UTP18: variants seen among roughly 807,000 people sequenced by gnomAD.
The protein encoded by UTP18 is U3 small nucleolar RNA-associated protein 18 homolog.
Under a neutral mutation model 61.1 loss-of-function variants are expected in UTP18, and 36 were observed. That is an observed-to-expected ratio of 0.59 (90% CI 0.45 to 0.78). UTP18 has a LOEUF of 0.78. Ranked by LOEUF, UTP18 falls within the 30% of genes least tolerant of loss-of-function variation. The pLI is 0.00. For synonymous variants in UTP18, 282 were observed against 251.1 expected, an observed-to-expected ratio of 1.12 and a Z score of -1.16; for missense variants, 753 against 693.9, an observed-to-expected ratio of 1.09 and a Z score of -0.96.
intron 11 of UTP18, among the ~76,000 whole-genome samples, chr17:51,291,074 C>A (rs1481695997): frequency 6.6e-6 from 1 of 152,154 alleles, no homozygotes; most frequent in Admixed American, 6.6e-5. Flanking sequence ...ATTTTGATAT[C>A]TGTACACTTA....
At chr17:51,282,943 A>C (rs1440677169) in intron 9 of UTP18, among the ~76,000 whole-genome samples, 12 of 141,648 alleles carry the variant, frequency 8.5e-5, no homozygotes, top group Non-Finnish European at 6.0e-5. Flanking sequence ...ATCTCGGCTC[A>C]CTGTAACCTC....
chr17:51,289,400 G>T (rs1205847523), intron 11 of UTP18, among the ~76,000 whole-genome samples: 2 of 150,796 alleles, frequency 1.3e-5, no homozygotes, highest in Non-Finnish European at 3.0e-5. Flanking sequence ...GTAGAGACGG[G>T]GTTTCACCAT....
chr17:51,262,405 A>G (rs992459479), intron 1 of UTP18, among the ~76,000 whole-genome samples: 28 of 152,272 alleles, frequency 1.8e-4, no homozygotes, highest in African/African-American at 6.7e-4. Flanking sequence ...TTGATAGTAT[A>G]AACTTTATGG....
At chr17:51,292,511 T>C (rs527873174) in intron 11 of UTP18, among the ~76,000 whole-genome samples, 111 of 152,336 alleles carry the variant, frequency 7.3e-4, no homozygotes, top group African/African-American at 2.6e-3. Flanking sequence ...GTTTAATAGG[T>C]GTATGTATCA....
chr17:51,273,389 T>C lies in UTP18; in HGVS notation c.650T>C (p.Leu217Ser). 6 of 1,610,712 alleles carry C rather than the reference T, an allele frequency of 3.7e-6. No homozygotes were observed. Among genetic ancestry groups the C allele is most frequent in the Non-Finnish European group, 5.1e-6 (6 of 1,178,478 alleles). Reference sequence around the variant, plus strand: ...GAAAGTGAAGAGGATGAAGATGATTTGTTGCAAAGGACTGGGAATTTCATA... The same window carrying C: ...GAAAGTGAAGAGGATGAAGATGATTCGTTGCAAAGGACTGGGAATTTCATA... Reference protein sequence around the residue: ...DDESEEDEDDLLQRTGNFIST... With the variant: ...DDESEEDEDDSLQRTGNFIST... The change falls in exon 5 of 14, where the codon TTG becomes TCG. Residue 217 changes from leucine (L) to serine (S), a missense_variant. By Grantham distance (145) the Leu-to-Ser change is moderately radical. Coordinates refer to ENST00000225298, the MANE Select transcript of UTP18 (RefSeq NM_016001.3).
intron 3 of UTP18, among the ~76,000 whole-genome samples, chr17:51,267,762 G>T (rs1271627273): frequency 6.6e-6 from 1 of 152,004 alleles, no homozygotes; most frequent in Non-Finnish European, 1.5e-5. Flanking sequence ...TCTTATAAAT[G>T]CCTTTAGGGG....
At chr17:51,276,569 T>G (rs1296661520) in intron 6 of UTP18, among the ~76,000 whole-genome samples, 1 of 152,248 alleles carries the variant, frequency 6.6e-6, no homozygotes, top group East Asian at 1.9e-4. Flanking sequence ...AACACTGATG[T>G]ACATTGATGG....
In UTP18 at chr17:51,275,938, G is replaced by T; in HGVS notation, c.784G>T (p.Gly262Cys). 6.2e-7 allele frequency: 1 copy of T among 1,612,788 alleles called. No homozygotes were observed. The highest frequency in any genetic ancestry group is 1.1e-5 in the South Asian group (1 of 90,900). Residue 262 changes from glycine to cysteine, a missense_variant, in exon 6 of 14, where the codon GGT becomes TGT. By Grantham distance (159) the Gly-to-Cys change is radical (BLOSUM62 -3). Coordinates refer to ENST00000225298, the MANE Select transcript of UTP18 (RefSeq NM_016001.3). ...ARISSVQFHP[G>C]AQIVMVAGLD... ...GATCTCATCTGTGCAGTTCCATCCCGGTGCACAGATTGTGATGGTTGCTGG... is the reference window on the plus strand; with the variant it reads ...GATCTCATCTGTGCAGTTCCATCCCTGTGCACAGATTGTGATGGTTGCTGG...
At chr17:51,274,377 G>A (rs3786007) in intron 5 of UTP18, among the ~76,000 whole-genome samples, 97,098 of 152,104 alleles carry the variant, frequency 0.64, 31,656 homozygotes, top group African/African-American at 0.78. Context: ...TCATACTAAC[G>A]GGCAGTACTT....
At chr17:51,261,815 CTAGT>C (rs1364936668) in intron 1 of UTP18, among the ~76,000 whole-genome samples, 1 of 151,910 alleles carries the variant, frequency 6.6e-6, no homozygotes, top group Non-Finnish European at 1.5e-5. Flanking sequence ...AAATGCTGAC[CTAGT>C]TAATGTCAGC....
intron 11 of UTP18, chr17:51,288,734 C>G (rs1480929703): frequency 5.0e-6 from 2 of 401,750 alleles, no homozygotes; most frequent in African/African-American, 2.1e-5. Context: ...TTCCAGGACT[C>G]TGCATATGTT....
chr17:51,284,782 C>T (rs997403166), intron 9 of UTP18, among the ~76,000 whole-genome samples: 9 of 152,004 alleles, frequency 5.9e-5, no homozygotes, highest in Admixed American at 2.0e-4. Context: ...ATTCTTAGGC[C>T]GGGCATGGTG....
rs1391768124 is a variant in UTP18 at position 51,277,145 on chromosome 17, A to G, written c.853A>G (p.Asn285Asp). The change falls in exon 7 of 14, where the codon AAT becomes GAT. Residue 285 changes from asparagine to aspartate, a missense_variant. Physicochemically the swap from Asn to Asp is conservative, Grantham distance 23 (BLOSUM62 1). Transcript: ENST00000225298. ...VSLFQVDGKT[N>D]PKIQSIYLER... ...TTCTTTATAGGTTGATGGGAAAACA[A>G]ATCCTAAAATTCAGAGCATCTATTT... 6.2e-7 allele frequency: 1 copy of G among 1,613,896 alleles called. No homozygotes were observed. Among genetic ancestry groups the G allele is most frequent in the Non-Finnish European group, 8.5e-7 (1 of 1,179,974 alleles).
chr17:51,286,978 T>TCTCCC (rs1905135259), intron 10 of UTP18, among the ~76,000 whole-genome samples: 1 of 123,468 alleles, frequency 8.1e-6, no homozygotes, highest in Non-Finnish European at 1.6e-5. Flanking sequence ...CCCTCCCCCT[T>TCTCCC]CCCCCCCCGA....
intron 9 of UTP18, among the ~76,000 whole-genome samples, chr17:51,280,906 G>A (rs1244012157): frequency 6.6e-6 from 1 of 151,820 alleles, no homozygotes; most frequent in Non-Finnish European, 1.5e-5. Flanking sequence ...GACCAGGCGC[G>A]GTAGCTTACG....
chr17:51,275,828 A>G, intron 5 of UTP18, 38 bp from the exon 6 acceptor site: 1 of 1,554,770 alleles, frequency 6.4e-7, no homozygotes, highest in Non-Finnish European at 8.7e-7. Context: ...ATGTTTATTC[A>G]TTTCAATTGA....
Position 51,277,178 on chromosome 17 carries a change from T to C in UTP18, c.886T>C (p.Phe296Leu). The C allele has an allele frequency of 6.2e-7, 1 of 1,614,176 alleles. No homozygotes were observed. The highest frequency in any genetic ancestry group is 8.5e-7 in the Non-Finnish European group (1 of 1,180,030). Residue 296 changes from phenylalanine (F) to leucine (L), a missense_variant, in exon 7 of 14, where the codon TTT becomes CTT. By Grantham distance (22) the Phe-to-Leu change is conservative (BLOSUM62 0). Coordinates refer to ENST00000225298, the MANE Select transcript of UTP18 (RefSeq NM_016001.3). ...PKIQSIYLER[F>L]PIFKACFSAN... is the part of the protein sequence containing the mutation. ...AATTCAGAGCATCTATTTGGAAAGG[T>C]TTCCAATCTTTAAGGCTTGTTTTAG...
At chr17:51,280,552 G>A (rs575226665) in intron 9 of UTP18, 73 bp downstream of exon 9, 14 of 1,431,470 alleles carry the variant, frequency 9.8e-6, no homozygotes, top group Middle Eastern at 1.8e-4. Flanking sequence ...GGTGGCTCAC[G>A]TGTGTAATCC....
intron 3 of UTP18, among the ~76,000 whole-genome samples, chr17:51,266,800 A>G (rs1362453290): frequency 2.0e-5 from 3 of 152,140 alleles, no homozygotes; most frequent in Non-Finnish European, 2.9e-5. Flanking sequence ...CGGCTAGTCC[A>G]TGTTAGTTTC....
Sources: gnomAD v4.1 joint callset for allele counts (sites outside exome capture counted in the v4.1 genomes callset) on GRCh38, gnomAD v4.1.1 for gene constraint, MANE v1.5 for transcripts, NCBI Gene and HGNC (gene_info 2026-07-23, HGNC 2026-07-21) for gene names.